The following RPL3L variants were observed in gnomAD, a reference collection of about 807,000 sequenced individuals.
The protein encoded by RPL3L is ribosomal protein L3 like.
RPL3L carries 44 observed loss-of-function variants against 44.5 expected under a neutral mutation model. That is an observed-to-expected ratio of 0.99 (90% CI 0.78 to 1.27). The LOEUF (loss-of-function observed/expected upper bound fraction) is 1.27. Ranked by LOEUF, RPL3L falls within the 50% of genes most tolerant of loss-of-function variation. The pLI is 0.00. For missense variants in RPL3L, 631 were observed against 569.1 expected, an observed-to-expected ratio of 1.11 and a Z score of -1.11; for synonymous variants, 292 against 230.7, an observed-to-expected ratio of 1.27 and a Z score of -2.41.
At chr16:1,946,590 T>A in intron 7 of RPL3L, 35 bp downstream of exon 7, 1 of 1,599,252 alleles carries the variant, frequency 6.3e-7, no homozygotes, top group Non-Finnish European at 8.6e-7. Context: ...ATCAGCGGTG[T>A]GATGGGCCTG....
In RPL3L at chr16:1,945,933, G is replaced by A. The variant is rs1567308623; in HGVS notation, c.952-3C>T. On this transcript the variant is annotated splice_polypyrimidine_tract_variant and splice_region_variant and intron_variant, in intron 7 of 9. Transcript: ENST00000268661. ...TCCCCGTAGTGGGGGAAGCCACCCT[G>A]CAGAGGACACAGGTCAGAGGCCAGG... 1.9e-6 allele frequency: 3 copies of A among 1,608,180 alleles called. No individual in the cohort carries two copies. The highest frequency in any genetic ancestry group is 2.5e-6 in the Non-Finnish European group (3 of 1,177,098).
At position 1,947,384 on chromosome 16, in the gene RPL3L, C is replaced by A; in HGVS notation, c.502-4G>T. ...GCCGGAAGGGCAGCAGTTTCATCTGCAGGACATGGCCGGAGGTCACGCCAC... is the reference window on the plus strand; with the variant it reads ...GCCGGAAGGGCAGCAGTTTCATCTGAAGGACATGGCCGGAGGTCACGCCAC... On this transcript the variant is annotated splice_region_variant and splice_polypyrimidine_tract_variant and intron_variant, in intron 4 of 9. Coordinates refer to ENST00000268661, the MANE Select transcript of RPL3L (RefSeq NM_005061.3). The A allele has an allele frequency of 6.4e-7, 1 of 1,570,706 alleles. No individual in the cohort carries two copies. The highest frequency in any genetic ancestry group is 8.6e-7 in the Non-Finnish European group (1 of 1,159,988).
chr16:1,953,890 T>C, intron 2 of RPL3L, 66 bp downstream of exon 2: 3 of 1,396,366 alleles, frequency 2.1e-6, no homozygotes, highest in South Asian at 3.3e-5. Context: ...AAAGCGTGAG[T>C]TCTGGCTCCG....
In RPL3L at chr16:1,950,534, G is replaced by A. The variant is rs539704440; in HGVS notation, c.501+310C>T. On this transcript the variant is annotated intron_variant, in intron 4 of 9. Coordinates refer to ENST00000268661, the MANE Select transcript of RPL3L (RefSeq NM_005061.3). ...AACACGGATTCCTGTGCACACTTAC[G>A]CTGGAAACCGAAGAGAGGTGACCAG... Among the ~76,000 whole-genome samples the A allele has an allele frequency of 5.3e-5, 8 of 152,260 alleles. 1 individual carries two copies. The highest frequency in any genetic ancestry group is 2.6e-4 in the Admixed American group (4 of 15,300).
In RPL3L at chr16:1,950,852, G is replaced by T; in HGVS notation, c.493C>A (p.His165Asn). ...GAGGGCCGGGGGCTGACCTGAGTGTGGACAATGACCCGAATGACCTTGCAG... is the reference window on the plus strand; with the variant it reads ...GAGGGCCGGGGGCTGACCTGAGTGTTGACAATGACCCGAATGACCTTGCAG... ...KYCKVIRVIV[H>N]TQMKLLPFRQ... is the part of the protein sequence containing the mutation. The change falls in exon 4 of 10, where the codon CAC (histidine) becomes AAC (asparagine). Residue 165 changes from histidine (H) to asparagine (N), a missense_variant. Transcript: ENST00000268661. 6.2e-7 allele frequency: 1 copy of T among 1,614,070 alleles called. No individual in the cohort carries two copies. Among genetic ancestry groups the T allele is most frequent in the South Asian group, 1.1e-5 (1 of 91,086 alleles).
In RPL3L at chr16:1,946,698, A is replaced by G. The variant is rs2083123232; in HGVS notation, c.878T>C (p.Met293Thr). The stretch of plus-strand genomic sequence containing the variant: ...GTTCTTCACCAGCTTCCCGTCCTCC[A>G]TGTGCGGGCCCCTGCCGATGCGGAA... ...KIFRIGRGPHMEDGKLVKNNA... is the reference protein window; with the variant it reads ...KIFRIGRGPHTEDGKLVKNNA... The change falls in exon 7 of 10, where the codon ATG becomes ACG. Residue 293 changes from methionine (M) to threonine (T), a missense_variant. Physicochemically the swap from Met to Thr is moderately conservative, Grantham distance 81 (BLOSUM62 -1). Coordinates refer to ENST00000268661, the MANE Select transcript of RPL3L (RefSeq NM_005061.3). The G allele has an allele frequency of 6.2e-7, 1 of 1,612,626 alleles. No individual in the cohort carries two copies.
Position 1,952,896 on chromosome 16 carries a change from G to A in RPL3L, c.343C>T (p.Arg115Trp), listed in dbSNP as rs200615645. 47 of 1,613,866 alleles carry A rather than the reference G, an allele frequency of 2.9e-5. No individual in the cohort carries two copies. The highest frequency in any genetic ancestry group is 2.0e-4 in the South Asian group (18 of 91,090). ...CACCAGTCCTTGTAGAATCGGCGCC[G>A]GCACTCATCACTGAGGTGTTCTGCA... Reference protein sequence around the residue: ...IFAEHLSDECRRRFYKDWHKS... With the variant: ...IFAEHLSDECWRRFYKDWHKS... The change falls in exon 3 of 10, where the codon CGG (arginine) becomes TGG (tryptophan). Residue 115 changes from arginine (R) to tryptophan (W), a missense_variant. Arg to Trp is a moderately radical substitution (Grantham distance 101). Coordinates refer to ENST00000268661, the MANE Select transcript of RPL3L (RefSeq NM_005061.3).
In RPL3L at chr16:1,954,032, G is replaced by C. The variant is rs374927934; in HGVS notation, c.120C>G (p.Pro40=). 1.9e-6 allele frequency: 3 copies of C among 1,606,844 alleles called. No homozygotes were observed. The highest frequency in any genetic ancestry group is 1.1e-5 in the South Asian group (1 of 89,962). ...KTWPRDDPSQ[P]VHLTAFLGYK... Reference sequence around the variant, plus strand: ...AGCCCAGGAAGGCCGTGAGGTGCACGGGCTGGCTGGGGTCATCCCGCGGCC... The same window carrying C: ...AGCCCAGGAAGGCCGTGAGGTGCACCGGCTGGCTGGGGTCATCCCGCGGCC... Residue 40 remains proline, a synonymous_variant, in exon 2 of 10, where the codon CCC becomes CCG. Transcript: ENST00000268661.
chr16:1,944,846 T>C lies in RPL3L; in HGVS notation c.1215A>G (p.Gly405=). ...HLEKETPETS[G]DL ...ATCCACCCCACACAGCCTACAAGTC[T>C]CCCGAGGTCTCCGGCGTTTCCTTCT... The change falls in exon 10 of 10, where the codon GGA becomes GGG. Residue 405 remains glycine, a synonymous_variant. Transcript: ENST00000268661. 6.2e-7 allele frequency: 1 copy of C among 1,614,058 alleles called. No homozygotes were observed. The highest frequency in any genetic ancestry group is 8.5e-7 in the Non-Finnish European group (1 of 1,180,014).
intron 4 of RPL3L, among the ~76,000 whole-genome samples, chr16:1,947,762 G>A (rs558659726): frequency 3.2e-4 from 49 of 152,146 alleles, no homozygotes; most frequent in Middle Eastern, 3.4e-3. Flanking sequence ...AGAGGCTCTG[G>A]GCAGCAGGAC....
chr16:1,944,856 T>G lies in RPL3L; in HGVS notation c.1205A>C (p.Glu402Ala). The G allele has an allele frequency of 6.2e-7, 1 of 1,614,098 alleles. No individual in the cohort carries two copies. The highest frequency in any genetic ancestry group is 8.5e-7 in the Non-Finnish European group (1 of 1,180,030). The change falls in exon 10 of 10, where the codon GAG becomes GCG. Residue 402 changes from glutamate (E) to alanine (A), a missense_variant. Coordinates refer to ENST00000268661, the MANE Select transcript of RPL3L (RefSeq NM_005061.3). ...CACAGCCTACAAGTCTCCCGAGGTC[T>G]CCGGCGTTTCCTTCTCCAGATGCTT... ...QKKHLEKETP[E>A]TSGDL is the part of the protein sequence containing the mutation.
intron 1 of RPL3L, among the ~76,000 whole-genome samples, chr16:1,954,398 C>T (rs1051276922): frequency 2.0e-5 from 3 of 152,134 alleles, no homozygotes; most frequent in African/African-American, 4.8e-5. Flanking sequence ...GGGTCGCACC[C>T]ATACTGCAGC....
chr16:1,948,188 C>T (rs2083139819), intron 4 of RPL3L, among the ~76,000 whole-genome samples: 1 of 151,792 alleles, frequency 6.6e-6, no homozygotes, highest in Non-Finnish European at 1.5e-5. Flanking sequence ...CCGCCCGCCT[C>T]AGCCTCCCAA....
Position 1,945,929 on chromosome 16 carries a change from C to T in RPL3L, c.953G>A (p.Gly318Asp). ...CACTTCCCCGTAGTGGGGGAAGCCA[C>T]CCTGCAGAGGACACAGGTCAGAGGC... is the stretch of plus-strand genomic sequence containing the variant. ...DVTAKSITPL[G>D]GFPHYGEVNN... The change falls in exon 8 of 10, where the codon GGT (glycine) becomes GAT (aspartate). Residue 318 changes from glycine to aspartate, a missense_variant and splice_region_variant. Physicochemically the swap from Gly to Asp is moderately conservative, Grantham distance 94 (BLOSUM62 -1). Transcript: ENST00000268661. 1 of 1,609,146 alleles carries T rather than the reference C, an allele frequency of 6.2e-7. No individual in the cohort carries two copies. Among genetic ancestry groups the T allele is most frequent in the Non-Finnish European group, 8.5e-7 (1 of 1,177,566 alleles).
At chr16:1,949,083 A>G (rs760907715) in intron 4 of RPL3L, among the ~76,000 whole-genome samples, 1 of 139,986 alleles carries the variant, frequency 7.1e-6, no homozygotes, top group Non-Finnish European at 1.5e-5. Context: ...CTCCTGCCTC[A>G]GCACCCCTCT....
intron 2 of RPL3L, among the ~76,000 whole-genome samples, chr16:1,953,716 C>CG (rs1274937293): frequency 6.6e-6 from 1 of 152,224 alleles, no homozygotes; most frequent in African/African-American, 2.4e-5. Context: ...CTTACCGCCC[C>CG]GGTGACTGGA....
rs1304729109 is a variant in RPL3L at position 1,954,683 on chromosome 16, G to A, written c.-52C>T. ...GGGGCCTCGCCGCTAGCCGCCAGAGGTCGAGTGGCAGGGCCAGGACTCACA... is the reference window on the plus strand; with the variant it reads ...GGGGCCTCGCCGCTAGCCGCCAGAGATCGAGTGGCAGGGCCAGGACTCACA... On this transcript the variant is annotated 5_prime_UTR_variant, in exon 1 of 10. Transcript: ENST00000268661. 2 of 1,488,556 alleles carry A rather than the reference G, an allele frequency of 1.3e-6. No individual in the cohort carries two copies. Among genetic ancestry groups the A allele is most frequent in the Non-Finnish European group, 1.8e-6 (2 of 1,117,484 alleles). The allele number at this position is 1,488,556 out of a possible 1,614,324, so 92.2% of individuals were successfully genotyped here.
intron 7 of RPL3L, among the ~76,000 whole-genome samples, chr16:1,946,207 G>A (rs1380425281): frequency 6.6e-6 from 1 of 152,248 alleles, no homozygotes; most frequent in Non-Finnish European, 1.5e-5. Flanking sequence ...AGCCTCTACA[G>A]CTGCTAAGTC....
At chr16:1,948,233 G>A (rs369635882) in intron 4 of RPL3L, among the ~76,000 whole-genome samples, 21 of 150,270 alleles carry the variant, frequency 1.4e-4, no homozygotes, top group East Asian at 6.0e-4. Flanking sequence ...CACCACGCCC[G>A]GCCTTTTTTT....
Sources: gnomAD v4.1 joint callset for allele counts (sites outside exome capture counted in the v4.1 genomes callset) on GRCh38, gnomAD v4.1.1 for gene constraint, MANE v1.5 for transcripts, NCBI Gene and HGNC (gene_info 2026-07-23, HGNC 2026-07-21) for gene names.